The following CLCN3 variants were observed in gnomAD, a reference collection of about 807,000 sequenced individuals.
The protein encoded by CLCN3 is H(+)/Cl(-) exchange transporter 3.
In CLCN3, 16 loss-of-function variants were observed where a neutral mutation model predicts 83.4. The ratio of observed to expected loss-of-function variants is 0.19; its 90% CI spans 0.13 to 0.29. The LOEUF (loss-of-function observed/expected upper bound fraction) is 0.29, where lower values mean the gene tolerates loss of function less well. CLCN3 is among the 10% of genes least tolerant of loss of function. The pLI, the probability that CLCN3 is intolerant of heterozygous loss-of-function variation, is 1.00. For missense variants in CLCN3, 544 were observed against 1,006.0 expected (o/e 0.54, Z 6.21); for synonymous variants, 322 against 346.2 (o/e 0.93, Z 0.78).
At chr4:169,692,630 A>G (rs1359334263) in intron 7 of CLCN3, among the ~76,000 whole-genome samples, 2 of 152,130 alleles carry the variant, frequency 1.3e-5, no homozygotes, top group African/African-American at 4.8e-5. Context: ...AGTGTTTTCT[A>G]AGCTTAGCTT....
chr4:169,657,234 C>T (rs753643826), intron 2 of CLCN3, among the ~76,000 whole-genome samples: 1 of 151,952 alleles, frequency 6.6e-6, no homozygotes, highest in Admixed American at 6.6e-5. Context: ...AATCAAATAT[C>T]TTGTGTTTCC....
At chr4:169,679,379 C>T (rs376456730) in intron 2 of CLCN3, among the ~76,000 whole-genome samples, 10 of 149,654 alleles carry the variant, frequency 6.7e-5, no homozygotes, top group East Asian at 2.2e-4. Flanking sequence ...GGATGGCGGC[C>T]GGGAAGAGGT....
At chr4:169,647,007 T>A (rs1730591897) in intron 2 of CLCN3, among the ~76,000 whole-genome samples, 1 of 152,140 alleles carries the variant, frequency 6.6e-6, no homozygotes, top group Non-Finnish European at 1.5e-5. Flanking sequence ...GTGCCCAAAG[T>A]TTAAACTTAC....
rs1219881474 is a variant in CLCN3, at chr4:169,680,049, G to T, written c.161-1G>T. The T allele has an allele frequency of 6.2e-7, 1 of 1,609,428 alleles. No homozygotes were observed. The highest frequency in any genetic ancestry group is 8.5e-7 in the Non-Finnish European group (1 of 1,176,334). On this transcript the variant is annotated splice_acceptor_variant, in intron 2 of 12. Coordinates refer to ENST00000513761, the MANE Select transcript of CLCN3 (RefSeq NM_001829.4). LOFTEE classifies it high-confidence loss of function. ...CTCATCTTTCCTTTTCTCTTCTGTAGGAACTCATTATACAATGACAAATGG... is the reference window on the plus strand; with the variant it reads ...CTCATCTTTCCTTTTCTCTTCTGTATGAACTCATTATACAATGACAAATGG...
chr4:169,687,237 T>G (rs1732195946), intron 3 of CLCN3, among the ~76,000 whole-genome samples: 1 of 152,034 alleles, frequency 6.6e-6, no homozygotes. Context: ...TAGGCCAGAT[T>G]TTATATAGTT....
chr4:169,717,932 A>G, intron 12 of CLCN3: 1 of 1,079,266 alleles, frequency 9.3e-7, no homozygotes, highest in Non-Finnish European at 1.4e-6. Context: ...AAACTTGTGA[A>G]CTGTTGAGTT....
intron 6 of CLCN3, among the ~76,000 whole-genome samples, 174 bp downstream of exon 6, chr4:169,690,826 C>T (rs1354877868): frequency 6.6e-6 from 1 of 151,948 alleles, no homozygotes; most frequent in Non-Finnish European, 1.5e-5. Context: ...ATATTGTTCC[C>T]CATAGTCATT....
chr4:169,710,958 A>G (rs181179703), intron 11 of CLCN3, among the ~76,000 whole-genome samples: 155 of 152,294 alleles, frequency 1.0e-3, no homozygotes, highest in African/African-American at 3.5e-3. Flanking sequence ...TCCGGAGCAC[A>G]TGAGATTAGA....
At chr4:169,626,127 C>G (rs938551920) in intron 1 of CLCN3, among the ~76,000 whole-genome samples, 2 of 152,220 alleles carry the variant, frequency 1.3e-5, no homozygotes, top group East Asian at 1.9e-4. Flanking sequence ...ATGACCCCCC[C>G]ACTCCTTACG....
intron 2 of CLCN3, among the ~76,000 whole-genome samples, chr4:169,648,718 T>C (rs912703323): frequency 2.0e-5 from 3 of 152,160 alleles, no homozygotes; most frequent in African/African-American, 7.2e-5. Context: ...TGTGATACGA[T>C]AAGGGCTGTA....
intron 2 of CLCN3, among the ~76,000 whole-genome samples, chr4:169,644,821 G>T (rs946132438): frequency 5.3e-5 from 8 of 152,160 alleles, no homozygotes; most frequent in African/African-American, 1.9e-4. Context: ...AATCACAAGG[G>T]TCCTTAAAAG....
intron 2 of CLCN3, among the ~76,000 whole-genome samples, chr4:169,667,256 T>A (rs570877969): frequency 6.6e-6 from 1 of 152,242 alleles, no homozygotes; most frequent in African/African-American, 2.4e-5. Flanking sequence ...GACTATTCTT[T>A]CCTCACTAGA....
intron 2 of CLCN3, among the ~76,000 whole-genome samples, chr4:169,651,399 A>G (rs917231053): frequency 6.6e-6 from 1 of 152,170 alleles, no homozygotes; most frequent in African/African-American, 2.4e-5. Flanking sequence ...TGGAGGAGTT[A>G]TGTGCTAAAC....
At chr4:169,706,793 T>C (rs1733010820) in intron 10 of CLCN3, 75 bp from the exon 11 acceptor site, 2 of 1,301,058 alleles carry the variant, frequency 1.5e-6, no homozygotes, top group Non-Finnish European at 2.1e-6. Context: ...TTTAACTGCC[T>C]AGTGCAAAAA....
At chr4:169,679,029 C>T (rs1466555800) in intron 2 of CLCN3, among the ~76,000 whole-genome samples, 9 of 147,348 alleles carry the variant, frequency 6.1e-5, no homozygotes, top group Non-Finnish European at 1.0e-4. Flanking sequence ...GGGCGGCTGC[C>T]GGGCGGGGGC....
chr4:169,645,151 G>A (rs1297992610), intron 2 of CLCN3, among the ~76,000 whole-genome samples: 1 of 152,154 alleles, frequency 6.6e-6, no homozygotes, highest in African/African-American at 2.4e-5. Flanking sequence ...TTTTAACCTT[G>A]TGGACCCCTG....
rs1210686612 is a variant in CLCN3 at position 169,720,979 on chromosome 4, T to G, written c.*982T>G. 1 of 152,668 alleles carries G rather than the reference T, an allele frequency of 6.6e-6. No homozygotes were observed. Among genetic ancestry groups the G allele is most frequent in the Non-Finnish European group, 1.5e-5 (1 of 68,040 alleles). 9.5% of individuals were successfully genotyped at this position (152,668 alleles called of 1,614,324 possible). ...ATAATTAAATAAAATGCTGCTGCTT[T>G]GACAGTAAAGAGAAGGAAGTATTCT... On this transcript the variant is annotated 3_prime_UTR_variant, in exon 13 of 13. Coordinates refer to ENST00000513761, the MANE Select transcript of CLCN3 (RefSeq NM_001829.4).
intron 3 of CLCN3, among the ~76,000 whole-genome samples, chr4:169,682,250 T>C (rs1731970534): frequency 6.6e-6 from 1 of 152,206 alleles, no homozygotes; most frequent in Non-Finnish European, 1.5e-5. Context: ...AAATCACATT[T>C]GTTAATTTTA....
Position 169,689,145 on chromosome 4 carries a change from G to T in CLCN3, c.521G>T (p.Trp174Leu). 6.2e-7 allele frequency: 1 copy of T among 1,613,920 alleles called. No homozygotes were observed. Among genetic ancestry groups the T allele is most frequent in the Non-Finnish European group, 8.5e-7 (1 of 1,179,922 alleles). ...ALWYNHEQCC[W>L]GSNETTFEER... Reference sequence around the variant, plus strand: ...TGGTACAACCACGAACAGTGCTGTTGGGGATCTAATGAAACAACATTTGAA... The same window carrying T: ...TGGTACAACCACGAACAGTGCTGTTTGGGATCTAATGAAACAACATTTGAA... Residue 174 changes from tryptophan to leucine, a missense_variant, in exon 5 of 13, where the codon TGG becomes TTG. By Grantham distance (61) the Trp-to-Leu change is moderately conservative. This residue lies in a region of CLCN3 where 96 missense variants were observed against 202.1 expected (regional missense o/e 0.48). Coordinates refer to ENST00000513761, the MANE Select transcript of CLCN3 (RefSeq NM_001829.4).
Sources: allele counts gnomAD v4.1 joint callset (sites outside exome capture counted in the v4.1 genomes callset), GRCh38; gene constraint gnomAD v4.1.1; regional missense constraint gnomAD v4.1.1; transcripts MANE v1.5; gene names NCBI Gene and HGNC (gene_info 2026-07-23, HGNC 2026-07-21).